The following GTF3C4 variants were observed in gnomAD, a reference collection of about 807,000 sequenced individuals.
GTF3C4 encodes the protein general transcription factor 3C polypeptide 4.
Under a neutral mutation model 67.5 loss-of-function variants are expected in GTF3C4, and 28 were observed. That is an observed-to-expected ratio of 0.41 (90% CI 0.31 to 0.57). The LOEUF (loss-of-function observed/expected upper bound fraction) is 0.57. Among genes scored for constraint, GTF3C4 ranks in the 20% least tolerant of loss-of-function variants. GTF3C4 has a pLI of 0.21. For missense variants in GTF3C4, 831 were observed against 1,033.2 expected (o/e 0.80, Z 2.68); for synonymous variants, 409 against 393.0 (o/e 1.04, Z -0.48).
In GTF3C4 at chr9:132,688,958, G is replaced by A. The variant is rs762496559; in HGVS notation, c.*13G>A. On this transcript the variant is annotated 3_prime_UTR_variant, in exon 5 of 5. Coordinates refer to ENST00000372146, the MANE Select transcript of GTF3C4 (RefSeq NM_012204.4). ...TCCTGTCTTCTAAATAATCAGTGAC[G>A]GGAAGATGGAAGGGCATGATGAACT... The A allele has an allele frequency of 3.3e-5, 52 of 1,591,874 alleles. No individual in the cohort carries two copies. In the Middle Eastern group the frequency reaches 8.3e-4, roughly 25 times the overall value.
chr9:132,679,772 CT>C lies in GTF3C4; in HGVS notation c.2154del (p.Asp719MetfsTer12). 1 of 1,611,726 alleles carries C rather than the reference CT, an allele frequency of 6.2e-7. No homozygotes were observed. Among genetic ancestry groups the C allele is most frequent in the Non-Finnish European group, 8.5e-7 (1 of 1,178,092 alleles). ...PTRGLCNFLM[S>X]DEEYDDRTAR... The stretch of plus-strand genomic sequence containing the variant: ...CGCGGACTCTGTAACTTTTTAATGT[CT>C]GATGAAGAGTATGATGACAGAACTG... On this transcript the variant is annotated frameshift_variant, in exon 2 of 5. Transcript: ENST00000372146. LOFTEE classifies it high-confidence loss of function. This position sits in a 1 kb window ranked among gnomAD's most constrained non-coding sequence, Gnocchi z 5.9.
Position 132,689,982 on chromosome 9 carries a change from G to A in GTF3C4, c.*1037G>A, listed in dbSNP as rs1836089644. ...CAGTCCCTTGATATTTGGAATCCAGGTTCTGCCCCCAACCCCTACCCACCC... is the reference window on the plus strand; with the variant it reads ...CAGTCCCTTGATATTTGGAATCCAGATTCTGCCCCCAACCCCTACCCACCC... On this transcript the variant is annotated 3_prime_UTR_variant, in exon 5 of 5. Coordinates refer to ENST00000372146, the MANE Select transcript of GTF3C4 (RefSeq NM_012204.4). 1 of 152,206 alleles carries A rather than the reference G, an allele frequency of 6.6e-6. No homozygotes were observed. Among genetic ancestry groups the A allele is most frequent in the African/African-American group, 2.4e-5 (1 of 41,432 alleles). 9.4% of individuals were successfully genotyped at this position (152,206 alleles called of 1,614,324 possible). A position where few individuals can be genotyped will look rare whatever the true frequency, so the allele number is the denominator to read the frequency against.
chr9:132,681,704 T>C (rs1835948208), intron 2 of GTF3C4, among the ~76,000 whole-genome samples: 1 of 152,182 alleles, frequency 6.6e-6, no homozygotes, highest in African/African-American at 2.4e-5. Context: ...AGAACTAATA[T>C]TTGCTGCTTT....
chr9:132,684,783 G>C (rs533024977), intron 3 of GTF3C4, among the ~76,000 whole-genome samples: 2 of 152,192 alleles, frequency 1.3e-5, no homozygotes, highest in South Asian at 4.2e-4. Flanking sequence ...GGCCTTCCTG[G>C]CCACCATATC....
intron 2 of GTF3C4, among the ~76,000 whole-genome samples, chr9:132,680,595 ATACT>A (rs1181213638): frequency 2.0e-5 from 3 of 152,232 alleles, no homozygotes; most frequent in Non-Finnish European, 2.9e-5. Context: ...TCAAAGACTG[ATACT>A]TACTGACTAA....
chr9:132,671,213 T>G (rs1243011912), intron 1 of GTF3C4, among the ~76,000 whole-genome samples: 1 of 152,146 alleles, frequency 6.6e-6, no homozygotes, highest in Non-Finnish European at 1.5e-5. Context: ...TTCCCGGAGT[T>G]GAGTCCCAGG....
At chr9:132,687,101 A>G (rs902356344) in intron 3 of GTF3C4, 138 bp from the exon 4 acceptor site, 1 of 712,068 alleles carries the variant, frequency 1.4e-6, no homozygotes, top group Non-Finnish European at 2.6e-6. Flanking sequence ...ATGCATTGTT[A>G]TGTGAATGTA....
rs746080289 is a variant in GTF3C4, at chr9:132,679,937, A to T, written c.2184+134A>T. ...TAGGTAATTTATTTGCTTGAGGTGC[A>T]GGGTAATAAATAGGAAGCGTGGATT... On this transcript the variant is annotated intron_variant, in intron 2 of 4. Coordinates refer to ENST00000372146, the MANE Select transcript of GTF3C4 (RefSeq NM_012204.4). The surrounding 1 kb of genome is among the most constrained non-coding windows in gnomAD (Gnocchi z 5.9). 3 of 720,372 alleles carry T rather than the reference A, an allele frequency of 4.2e-6. No individual in the cohort carries two copies. The East Asian group carries it at 7.9e-5, about 19-fold the overall frequency. 44.6% of individuals were successfully genotyped at this position (720,372 alleles called of 1,614,324 possible).
At chr9:132,681,618 A>G (rs1435852026) in intron 2 of GTF3C4, among the ~76,000 whole-genome samples, 1 of 152,068 alleles carries the variant, frequency 6.6e-6, no homozygotes, top group Admixed American at 6.6e-5. Context: ...TGAAGTTTTA[A>G]TGTATTTTGT....
Sources: gnomAD v4.1 joint callset for allele counts (sites outside exome capture counted in the v4.1 genomes callset) on GRCh38, gnomAD v4.1.1 for gene constraint, Gnocchi (gnomAD v3.1) non-coding constraint, MANE v1.5 for transcripts, NCBI Gene and HGNC (gene_info 2026-07-23, HGNC 2026-07-21) for gene names.